Variants in ERO1B observed in about 807,000 individuals in gnomAD.
ERO1B encodes ERO1-like protein beta.
In ERO1B, 49 loss-of-function variants were observed where a neutral mutation model predicts 75.3. That is an observed-to-expected ratio of 0.65 (90% confidence interval 0.52 to 0.83). The LOEUF is 0.83. ERO1B is among the 40% of genes least tolerant of loss of function. ERO1B has a pLI of 0.00. For synonymous variants in ERO1B, 191 were observed against 192.9 expected (o/e 0.99, Z 0.08); for missense variants, 512 against 560.1 (o/e 0.91, Z 0.87).
chr1:236,239,909 A>ATTTT (rs1345692165), intron 6 of ERO1B, among the ~76,000 whole-genome samples: 3 of 106,956 alleles, frequency 2.8e-5, no homozygotes, highest in African/African-American at 1.0e-4. Context: ...ATATATATAT[A>ATTTT]TATTTTTTTT....
chr1:236,217,452 A>G lies in ERO1B; in HGVS notation c.*1064T>C, dbSNP rs947316405. 2 of 152,488 alleles carry G rather than the reference A, an allele frequency of 1.3e-5. No individual in the cohort carries two copies. Among genetic ancestry groups the G allele is most frequent in the Non-Finnish European group, 2.9e-5 (2 of 67,972 alleles). 9.4% of individuals were successfully genotyped at this position (152,488 alleles called of 1,614,324 possible). A position where few individuals can be genotyped will look rare whatever the true frequency, so the allele number is the denominator to read the frequency against. On this transcript the variant is annotated 3_prime_UTR_variant, in exon 16 of 16. Transcript: ENST00000354619. ...AAAAGGTGAGGGGAGAGTAAGCTTAAAGGAGGGTTGACCTAATCTACCTTT... is the reference window on the plus strand; with the variant it reads ...AAAAGGTGAGGGGAGAGTAAGCTTAGAGGAGGGTTGACCTAATCTACCTTT...
chr1:236,277,539 A>G (rs1355439301), intron 1 of ERO1B, among the ~76,000 whole-genome samples: 1 of 152,158 alleles, frequency 6.6e-6, no homozygotes, highest in Non-Finnish European at 1.5e-5. Flanking sequence ...AAGGAATGAG[A>G]CCTAACATAC....
At chr1:236,271,806 T>C (rs1475962098) in intron 1 of ERO1B, among the ~76,000 whole-genome samples, 1 of 152,170 alleles carries the variant, frequency 6.6e-6, no homozygotes, top group Non-Finnish European at 1.5e-5. Context: ...TTTCTGGTAA[T>C]GCAGCCCTAA....
intron 8 of ERO1B, among the ~76,000 whole-genome samples, chr1:236,235,314 C>T (rs1170038869): frequency 2.0e-5 from 3 of 152,206 alleles, no homozygotes; most frequent in African/African-American, 7.2e-5. Context: ...GTTACCAAGG[C>T]TCCTGGGTGA....
intron 2 of ERO1B, among the ~76,000 whole-genome samples, chr1:236,261,478 CAA>C (rs1021733295): frequency 1.1e-4 from 16 of 152,204 alleles, no homozygotes; most frequent in South Asian, 8.3e-4. Context: ...TGTCAGCATA[CAA>C]AAGTCCATAG....
At position 236,281,718 on chromosome 1, in the gene ERO1B, G is replaced by A. The variant is rs753405777; in HGVS notation, c.66C>T (p.Val22=). The A allele has an allele frequency of 1.3e-6, 2 of 1,513,554 alleles. No homozygotes were observed. Among genetic ancestry groups the A allele is most frequent in the Admixed American group, 4.0e-5 (2 of 49,688 alleles). 93.8% of individuals were successfully genotyped at this position (1,513,554 alleles called of 1,614,324 possible). ...CGACGCTCCGCAGGAAGCTCAGGGT[G>A]ACCAGCAGCTGCACCGCGGCCGCTA... ...QGVAAAVQLL[V]TLSFLRSVVE... The change falls in exon 1 of 16, where the codon GTC becomes GTT. Residue 22 remains valine (V), a synonymous_variant. Transcript: ENST00000354619.
At chr1:236,274,049 T>C (rs897926025) in intron 1 of ERO1B, among the ~76,000 whole-genome samples, 3 of 148,852 alleles carry the variant, frequency 2.0e-5, no homozygotes, top group Non-Finnish European at 4.4e-5. Flanking sequence ...AGGATCACAG[T>C]CTTGGCTCAC....
intron 13 of ERO1B, 87 bp downstream of exon 13, chr1:236,224,983 T>A: frequency 8.1e-7 from 1 of 1,232,710 alleles, no homozygotes; most frequent in Non-Finnish European, 1.2e-6. Context: ...GCTGGAAAAC[T>A]GGGAAAGAAA....
chr1:236,280,235 G>A (rs952574426), intron 1 of ERO1B, among the ~76,000 whole-genome samples: 1 of 152,166 alleles, frequency 6.6e-6, no homozygotes, highest in Non-Finnish European at 1.5e-5. Flanking sequence ...ATTAATATGT[G>A]CTATATAAAA....
chr1:236,223,720 G>GATC (rs1471157808), intron 13 of ERO1B, among the ~76,000 whole-genome samples: 2 of 152,120 alleles, frequency 1.3e-5, no homozygotes, highest in Non-Finnish European at 2.9e-5. Flanking sequence ...CATAATTATA[G>GATC]TTGCCCTATT....
At chr1:236,226,977 G>A (rs2102940857) in intron 10 of ERO1B, among the ~76,000 whole-genome samples, 1 of 152,284 alleles carries the variant, frequency 6.6e-6, no homozygotes, top group East Asian at 1.9e-4. Context: ...AGAAAAGTTT[G>A]AGCAACTAGG....
intron 5 of ERO1B, among the ~76,000 whole-genome samples, chr1:236,248,933 T>C (rs1016325658): frequency 3.3e-5 from 5 of 152,138 alleles, no homozygotes; most frequent in African/African-American, 1.2e-4. Context: ...GTGTTTATTA[T>C]CTTTTATTTT....
Position 236,226,261 on chromosome 1 carries a change from A to T in ERO1B, c.1052+8T>A, listed in dbSNP as rs1327840955. On this transcript the variant is annotated splice_region_variant and intron_variant, in intron 12 of 15. Transcript: ENST00000354619. ...GAGAATTTCAAATCACGGATAGTCA[A>T]TTCTTACTTTGTATCTTGAAAGATA... 1 of 1,612,568 alleles carries T rather than the reference A, an allele frequency of 6.2e-7. No homozygotes were observed. The highest frequency in any genetic ancestry group is 1.1e-5 in the South Asian group (1 of 90,854).
intron 6 of ERO1B, among the ~76,000 whole-genome samples, chr1:236,238,730 TATAA>T (rs1307083777): frequency 6.6e-6 from 1 of 151,776 alleles, no homozygotes; most frequent in Non-Finnish European, 1.5e-5. Flanking sequence ...ATTATATATT[TATAA>T]ATAATTTGTG....
Position 236,252,102 on chromosome 1 carries a change from C to T in ERO1B, c.307-11G>A, listed in dbSNP as rs572832589. ...AACCGGAATTTTACTCTTAAAAAAA[C>T]AAGAAAAGCAAAAAAATTTTTAAGT... On this transcript the variant is annotated splice_polypyrimidine_tract_variant and intron_variant, in intron 3 of 15. Transcript: ENST00000354619. 2 of 1,579,324 alleles carry T rather than the reference C, an allele frequency of 1.3e-6. No individual in the cohort carries two copies. Among genetic ancestry groups the T allele is most frequent in the Non-Finnish European group, 1.7e-6 (2 of 1,154,564 alleles).
At chr1:236,238,594 G>C (rs915842889) in intron 6 of ERO1B, among the ~76,000 whole-genome samples, 3 of 147,070 alleles carry the variant, frequency 2.0e-5, no homozygotes, top group African/African-American at 7.6e-5. Flanking sequence ...TTAAAATTCA[G>C]TATTTAATTT....
intron 3 of ERO1B, among the ~76,000 whole-genome samples, chr1:236,252,640 T>C (rs908037210): frequency 6.6e-6 from 1 of 152,198 alleles, no homozygotes; most frequent in Non-Finnish European, 1.5e-5. Context: ...CAATAATTAG[T>C]GTTAGGCTTT....
At chr1:236,247,911 T>C (rs2102953865) in intron 5 of ERO1B, among the ~76,000 whole-genome samples, 1 of 144,396 alleles carries the variant, frequency 6.9e-6, no homozygotes, top group Admixed American at 7.1e-5. Context: ...CGGCAATTTG[T>C]TCAAATGTTG....
At chr1:236,245,554 G>GTA (rs752542798) in intron 5 of ERO1B, among the ~76,000 whole-genome samples, 2 of 856 alleles carry the variant, frequency 2.3e-3, no homozygotes, top group African/African-American at 2.5e-3. Context: ...GTATGTGTGT[G>GTA]TATATATATA....
Sources: allele counts gnomAD v4.1 joint callset (sites outside exome capture counted in the v4.1 genomes callset), GRCh38; gene constraint gnomAD v4.1.1; transcripts MANE v1.5; gene names NCBI Gene and HGNC (gene_info 2026-07-23, HGNC 2026-07-21).